GRAMD1B: variants seen among roughly 807,000 people sequenced by gnomAD.
GRAMD1B encodes GRAM domain containing 1B.
Under a neutral mutation model 99.7 loss-of-function variants are expected in GRAMD1B, and 37 were observed. That is an observed-to-expected ratio of 0.37 (90% CI 0.29 to 0.49). The LOEUF is 0.49. GRAMD1B is among the 20% of genes least tolerant of loss of function. The pLI is 0.98. For synonymous variants in GRAMD1B, 427 were observed against 387.6 expected (o/e 1.10, Z -1.19); for missense variants, 888 against 1,009.2 (o/e 0.88, Z 1.63).
chr11:123,360,428 A>G (rs2135669317), intron 1 of GRAMD1B, among the ~76,000 whole-genome samples: 1 of 152,286 alleles, frequency 6.6e-6, no homozygotes, highest in South Asian at 2.1e-4. Flanking sequence ...CTTGCTTAGG[A>G]GATCTCATCC....
At chr11:123,364,849 A>C (rs1946265118) in intron 1 of GRAMD1B, among the ~76,000 whole-genome samples, 1 of 152,196 alleles carries the variant, frequency 6.6e-6, no homozygotes, top group Admixed American at 6.5e-5. Context: ...TTTCAAAAAA[A>C]AAATTTGCAA....
intron 2 of GRAMD1B, among the ~76,000 whole-genome samples, chr11:123,481,414 A>G (rs1951599557): frequency 6.6e-6 from 1 of 152,172 alleles, no homozygotes; most frequent in Non-Finnish European, 1.5e-5. Flanking sequence ...AGATCGCGCT[A>G]CTGCACTCCA....
chr11:123,487,858 C>T (rs1591682721), intron 2 of GRAMD1B, among the ~76,000 whole-genome samples: 2 of 152,148 alleles, frequency 1.3e-5, no homozygotes, highest in South Asian at 2.1e-4. Context: ...CTGCCTGCTT[C>T]GGCCTCCCCA....
intron 1 of GRAMD1B, among the ~76,000 whole-genome samples, chr11:123,413,554 G>A (rs183631520): frequency 3.9e-5 from 6 of 152,114 alleles, no homozygotes; most frequent in Admixed American, 3.9e-4. Context: ...TTCCACATGG[G>A]AAGGAACCAG....
At chr11:123,599,987 G>A (rs894703306) in intron 7 of GRAMD1B, among the ~76,000 whole-genome samples, 9 of 152,228 alleles carry the variant, frequency 5.9e-5, no homozygotes, top group African/African-American at 2.2e-4. Context: ...AACTCCACAA[G>A]AGCAGGATCT....
intron 1 of GRAMD1B, among the ~76,000 whole-genome samples, chr11:123,453,447 G>C (rs1293299704): frequency 6.6e-6 from 1 of 152,058 alleles, no homozygotes; most frequent in Non-Finnish European, 1.5e-5. Context: ...CTCCCAAGTA[G>C]CAGAAATTAC....
chr11:123,367,288 G>A (rs534557733), intron 1 of GRAMD1B, among the ~76,000 whole-genome samples: 1 of 152,304 alleles, frequency 6.6e-6, no homozygotes, highest in Admixed American at 6.5e-5. Flanking sequence ...ATAGCTCACG[G>A]TCTAGGAAGG....
intron 1 of GRAMD1B, chr11:123,435,541 A>G (rs574112854): frequency 1.5e-6 from 1 of 678,666 alleles, no homozygotes; most frequent in South Asian, 1.5e-5. Flanking sequence ...CAAATGGTAA[A>G]GACAGCATGG....
intron 1 of GRAMD1B, among the ~76,000 whole-genome samples, chr11:123,421,651 A>G (rs1948439329): frequency 6.6e-6 from 1 of 152,242 alleles, no homozygotes; most frequent in African/African-American, 2.4e-5. Context: ...TGCTTATAAA[A>G]ATTTCCAACT....
At chr11:123,595,368 G>A (rs996846842) in intron 6 of GRAMD1B, among the ~76,000 whole-genome samples, 1 of 150,510 alleles carries the variant, frequency 6.6e-6, no homozygotes, top group African/African-American at 2.5e-5. Flanking sequence ...TGCAACCTCC[G>A]CCCCTGCCCC....
intron 1 of GRAMD1B, among the ~76,000 whole-genome samples, chr11:123,455,111 C>T (rs547939963): frequency 4.6e-5 from 7 of 152,240 alleles, no homozygotes; most frequent in African/African-American, 1.7e-4. Context: ...AAGAGCCCTA[C>T]TTAATATTTA....
At chr11:123,583,937 T>A (rs906495352) in intron 3 of GRAMD1B, among the ~76,000 whole-genome samples, 1 of 152,124 alleles carries the variant, frequency 6.6e-6, no homozygotes, top group Non-Finnish European at 1.5e-5. Flanking sequence ...AAGGCTGGGT[T>A]GGCCGCCATC....
intron 2 of GRAMD1B, among the ~76,000 whole-genome samples, chr11:123,532,541 GAC>G (rs1943505767): frequency 6.6e-6 from 1 of 152,206 alleles, no homozygotes; most frequent in Non-Finnish European, 1.5e-5. Flanking sequence ...CTCTTCCTAA[GAC>G]ACAGCAGCAC....
chr11:123,512,196 T>G (rs1387952744), intron 2 of GRAMD1B, among the ~76,000 whole-genome samples: 1 of 152,258 alleles, frequency 6.6e-6, no homozygotes, highest in East Asian at 1.9e-4. Flanking sequence ...CAACTGTGTT[T>G]GGATCCCAAA....
At chr11:123,596,058 G>T (rs749260007) in intron 7 of GRAMD1B, 21 bp downstream of exon 7, 1 of 1,344,474 alleles carries the variant, frequency 7.4e-7, no homozygotes, top group South Asian at 1.2e-5. Context: ...TCTAACTCTG[G>T]CCTTTCTAAT....
chr11:123,620,203 G>T (rs1348829237), intron 19 of GRAMD1B, among the ~76,000 whole-genome samples: 1 of 152,186 alleles, frequency 6.6e-6, no homozygotes, highest in South Asian at 2.1e-4. Context: ...GCCGGGTGTG[G>T]TGGGTCACGC....
At chr11:123,469,160 G>A (rs1018386716) in intron 1 of GRAMD1B, among the ~76,000 whole-genome samples, 24 of 152,154 alleles carry the variant, frequency 1.6e-4, no homozygotes, top group Admixed American at 3.9e-4. Flanking sequence ...CGGAGGTGAC[G>A]TGAGGGAGCT....
At chr11:123,618,239 C>T (rs1954701682) in intron 17 of GRAMD1B, 3 of 890,514 alleles carry the variant, frequency 3.4e-6, no homozygotes, top group Admixed American at 3.6e-5. Context: ...TTCTCATATA[C>T]TCTCACTCAC....
At chr11:123,580,820 T>C (rs1338149654) in intron 3 of GRAMD1B, among the ~76,000 whole-genome samples, 1 of 151,434 alleles carries the variant, frequency 6.6e-6, no homozygotes, top group Non-Finnish European at 1.5e-5. Flanking sequence ...AAAGCGCGCC[T>C]CCTCCCGCCC....
Sources: allele counts gnomAD v4.1 joint callset (sites outside exome capture counted in the v4.1 genomes callset), GRCh38; gene constraint gnomAD v4.1.1; transcripts MANE v1.5; gene names NCBI Gene and HGNC (gene_info 2026-07-23, HGNC 2026-07-21).